The following AFF3 variants were observed in gnomAD, a reference collection of about 807,000 sequenced individuals.
AFF3 encodes ALF transcription elongation factor 3, also known as AF4/FMR2 family member 3.
AFF3 carries 32 observed loss-of-function variants against 129.7 expected under a neutral mutation model. The ratio of observed to expected loss-of-function variants is 0.25; its 90% CI spans 0.19 to 0.33. The LOEUF (loss-of-function observed/expected upper bound fraction) is 0.33, where lower values mean the gene tolerates loss of function less well. Among genes scored for constraint, AFF3 ranks in the 10% least tolerant of loss-of-function variants. The pLI is 1.00. For synonymous variants in AFF3, 644 were observed against 635.4 expected (o/e 1.01, Z -0.20); for missense variants, 1,373 against 1,592.0 (o/e 0.86, Z 2.34).
intron 13 of AFF3, among the ~76,000 whole-genome samples, chr2:99,621,864 G>C (rs1382937184): frequency 6.6e-6 from 1 of 152,154 alleles, no homozygotes; most frequent in Non-Finnish European, 1.5e-5. Context: ...ATAACAGGAG[G>C]CTGGGATTTG....
At chr2:100,014,954 A>ATTTTTTTTTTTTTTTTTTTTTT (rs562822524) in intron 4 of AFF3, among the ~76,000 whole-genome samples, 1 of 121,658 alleles carries the variant, frequency 8.2e-6, no homozygotes, top group African/African-American at 3.3e-5. Context: ...CAGCCAGCTA[A>ATTTTTTTTTTTTTTTTTTTTTT]TTTTTTTTTT....
intron 8 of AFF3, among the ~76,000 whole-genome samples, chr2:99,807,857 TG>T (rs1163754450): frequency 2.6e-4 from 40 of 152,252 alleles, no homozygotes; most frequent in Non-Finnish European, 4.0e-4. Flanking sequence ...ACTACAAAGC[TG>T]GCCTCTGGCA....
At chr2:100,044,077 G>A (rs1029638810) in intron 4 of AFF3, among the ~76,000 whole-genome samples, 1 of 152,160 alleles carries the variant, frequency 6.6e-6, no homozygotes, top group South Asian at 2.1e-4. Context: ...CTTCCCAGCC[G>A]ATCTGGCCAT....
chr2:100,065,972 T>C (rs60459989), intron 4 of AFF3, among the ~76,000 whole-genome samples: 34 of 152,304 alleles, frequency 2.2e-4, no homozygotes, highest in African/African-American at 7.9e-4. Flanking sequence ...CTCACACTTA[T>C]AAATCAGTGA....
chr2:99,898,791 C>A (rs1694160861), intron 7 of AFF3, among the ~76,000 whole-genome samples: 1 of 152,196 alleles, frequency 6.6e-6, no homozygotes. Context: ...GCATAAAATT[C>A]TAAGACAGTC....
intron 7 of AFF3, among the ~76,000 whole-genome samples, chr2:99,880,659 C>G (rs750214594): frequency 6.6e-6 from 1 of 152,170 alleles, no homozygotes; most frequent in South Asian, 2.1e-4. Flanking sequence ...GGAAAAAAAT[C>G]TAGCCCACTG....
At chr2:99,677,504 C>T (rs1281999372) in intron 11 of AFF3, among the ~76,000 whole-genome samples, 4 of 152,130 alleles carry the variant, frequency 2.6e-5, no homozygotes, top group Non-Finnish European at 5.9e-5. Context: ...TACTTGGGAA[C>T]TTGTCCTTAC....
chr2:100,010,131 G>A (rs964197524), intron 4 of AFF3, among the ~76,000 whole-genome samples: 1 of 152,160 alleles, frequency 6.6e-6, no homozygotes, highest in Non-Finnish European at 1.5e-5. Flanking sequence ...ACTGTTATAA[G>A]GCTTAAATGT....
chr2:99,791,827 C>CTTT (rs112734176), intron 8 of AFF3, among the ~76,000 whole-genome samples: 22 of 141,430 alleles, frequency 1.6e-4, no homozygotes, highest in Admixed American at 7.8e-4. Context: ...TTGTGTTTTT[C>CTTT]TTTTTTTTTT....
At chr2:99,673,748 C>T (rs1687374145) in intron 11 of AFF3, among the ~76,000 whole-genome samples, 1 of 152,208 alleles carries the variant, frequency 6.6e-6, no homozygotes, top group African/African-American at 2.4e-5. Context: ...AGGCCTATCA[C>T]TGATACATGC....
intron 8 of AFF3, among the ~76,000 whole-genome samples, chr2:99,834,983 C>T (rs180841431): frequency 2.1e-4 from 32 of 152,296 alleles, no homozygotes; most frequent in African/African-American, 7.2e-4. Flanking sequence ...GTTCTATGTT[C>T]TCTGTGTTTA....
chr2:99,819,489 C>T (rs779366932), intron 8 of AFF3, among the ~76,000 whole-genome samples: 1 of 152,126 alleles, frequency 6.6e-6, no homozygotes, highest in Non-Finnish European at 1.5e-5. Flanking sequence ...AGTCATTAGT[C>T]CCAAAATAAA....
At chr2:100,035,435 A>C (rs967749824) in intron 4 of AFF3, among the ~76,000 whole-genome samples, 2 of 152,198 alleles carry the variant, frequency 1.3e-5, no homozygotes, top group Non-Finnish European at 2.9e-5. Context: ...ATGAACAAAA[A>C]TGATTGCTGC....
chr2:99,667,011 G>A (rs1008256437), intron 12 of AFF3, among the ~76,000 whole-genome samples: 2 of 152,108 alleles, frequency 1.3e-5, no homozygotes, highest in Non-Finnish European at 2.9e-5. Context: ...AGAAAGTCCA[G>A]AAAAGATACA....
At chr2:99,844,803 T>C (rs1328421632) in intron 7 of AFF3, among the ~76,000 whole-genome samples, 2 of 152,108 alleles carry the variant, frequency 1.3e-5, no homozygotes, top group African/African-American at 4.8e-5. Context: ...CATGAGAAAA[T>C]GTTCATGGGT....
At chr2:100,033,434 C>A (rs929397879) in intron 4 of AFF3, among the ~76,000 whole-genome samples, 1 of 152,194 alleles carries the variant, frequency 6.6e-6, no homozygotes, top group South Asian at 2.1e-4. Flanking sequence ...TGAATCGTTA[C>A]TTCTATATGA....
At chr2:99,565,677 G>A in intron 19 of AFF3, 54 bp from the exon 20 acceptor site, 1 of 1,575,262 alleles carries the variant, frequency 6.3e-7, no homozygotes, top group Non-Finnish European at 8.7e-7. Flanking sequence ...TTTTTAAATG[G>A]CATTGTCATG....
chr2:99,587,374 G>T, intron 15 of AFF3, 96 bp from the exon 16 acceptor site: 1 of 1,473,288 alleles, frequency 6.8e-7, no homozygotes, highest in East Asian at 2.3e-5. Flanking sequence ...CCTCCTGGGA[G>T]CCCCACTCAC....
chr2:99,828,007 A>G (rs1688222533), intron 8 of AFF3, among the ~76,000 whole-genome samples: 1 of 152,174 alleles, frequency 6.6e-6, no homozygotes, highest in South Asian at 2.1e-4. Context: ...ACAGGTGTGC[A>G]GCAAGCAGGG....
Sources: allele counts gnomAD v4.1 joint callset (sites outside exome capture counted in the v4.1 genomes callset), GRCh38; gene constraint gnomAD v4.1.1; transcripts MANE v1.5; gene names NCBI Gene and HGNC (gene_info 2026-07-23, HGNC 2026-07-21).